Variants in KLF12 observed in about 807,000 individuals in gnomAD.
KLF12 encodes the protein KLF transcription factor 12.
In KLF12, 9 loss-of-function variants were observed where a neutral mutation model predicts 37.8. That is an observed-to-expected ratio of 0.24 (90% CI 0.14 to 0.42). KLF12 has a LOEUF of 0.42. Among genes scored for constraint, KLF12 ranks in the 10% least tolerant of loss-of-function variants. The probability of loss-of-function intolerance (pLI) is 1.00; values close to 1 mark genes in which losing one functional copy is unlikely to be tolerated. For synonymous variants in KLF12, 208 were observed against 202.1 expected, an observed-to-expected ratio of 1.03 and a Z score of -0.25; for missense variants, 411 against 516.0, an observed-to-expected ratio of 0.80 and a Z score of 1.97.
the KLF12 span, among the ~76,000 whole-genome samples, chr13:74,276,983 C>T: frequency 6.6e-6 from 1 of 152,192 alleles, no homozygotes; most frequent in Non-Finnish European, 1.5e-5. Context: ...CTGGACAATG[C>T]CCACGGCAGT....
At chr13:74,114,493 C>T (rs1268157854) in intron 1 of KLF12, among the ~76,000 whole-genome samples, 1 of 152,092 alleles carries the variant, frequency 6.6e-6, no homozygotes. Flanking sequence ...TACAGTATCT[C>T]TGAGGTATGC....
At chr13:73,991,714 C>T (rs1280945030) in intron 2 of KLF12, among the ~76,000 whole-genome samples, 1 of 152,184 alleles carries the variant, frequency 6.6e-6, no homozygotes, top group Non-Finnish European at 1.5e-5. Context: ...CAGGCAACTA[C>T]CCTACATACA....
chr13:74,038,657 C>A (rs1026163936), intron 1 of KLF12, among the ~76,000 whole-genome samples: 5 of 152,134 alleles, frequency 3.3e-5, no homozygotes, highest in South Asian at 2.1e-4. Flanking sequence ...ACCTAAGGTT[C>A]CCATCATTAA....
At chr13:74,035,855 T>C (rs1893232902) in intron 1 of KLF12, among the ~76,000 whole-genome samples, 1 of 152,242 alleles carries the variant, frequency 6.6e-6, no homozygotes. Context: ...TTCAAATCTC[T>C]ATAGGATTTT....
At chr13:74,220,547 T>C in the KLF12 span, among the ~76,000 whole-genome samples, 1 of 152,376 alleles carries the variant, frequency 6.6e-6, no homozygotes, top group Admixed American at 6.5e-5. Context: ...ACTTGAAATC[T>C]ACTCTTTTTA....
chr13:73,825,977 ATT>A (rs199514948), intron 4 of KLF12, among the ~76,000 whole-genome samples: 1 of 144,396 alleles, frequency 6.9e-6, no homozygotes, highest in Non-Finnish European at 1.5e-5. Context: ...ATCATTCAAC[ATT>A]TTTTTTTTTT....
At chr13:73,998,892 A>G (rs1191680643) in intron 1 of KLF12, among the ~76,000 whole-genome samples, 3 of 152,274 alleles carry the variant, frequency 2.0e-5, no homozygotes, top group Non-Finnish European at 4.4e-5. Context: ...CTAAAAATGA[A>G]AAGTAGCTAA....
Position 73,845,871 on chromosome 13 carries a change from G to C in KLF12, c.626C>G (p.Thr209Ser). ...ATCCTCCAAAAGCGGCACGACAATAGTGTTGTTCACATTTCCAGGTGACCT... is the reference window on the plus strand; with the variant it reads ...ATCCTCCAAAAGCGGCACGACAATACTGTTGTTCACATTTCCAGGTGACCT... Residue 209 changes from threonine to serine, a missense_variant, in exon 4 of 8, where the codon ACT (threonine) becomes AGT (serine). Around this residue, in one of 2 missense-constraint regions of KLF12, gnomAD observed 351 missense variants for 397.8 expected, o/e 0.88. Transcript: ENST00000377669. 6.2e-7 allele frequency: 1 copy of C among 1,614,172 alleles called. No individual in the cohort carries two copies. Among genetic ancestry groups the C allele is most frequent in the South Asian group, 1.1e-5 (1 of 91,088 alleles).
chr13:74,149,535 T>C, the KLF12 span, among the ~76,000 whole-genome samples: 2 of 152,150 alleles, frequency 1.3e-5, no homozygotes, highest in African/African-American at 2.4e-5. Flanking sequence ...CATGACCACT[T>C]CCATTGTTAC....
intron 5 of KLF12, among the ~76,000 whole-genome samples, chr13:73,782,292 T>G (rs1181794709): frequency 6.6e-6 from 1 of 152,220 alleles, no homozygotes; most frequent in Non-Finnish European, 1.5e-5. Flanking sequence ...GATGATCTTG[T>G]CCTTACTTAC....
At chr13:73,935,890 G>A (rs562199558) in intron 3 of KLF12, among the ~76,000 whole-genome samples, 95 of 152,252 alleles carry the variant, frequency 6.2e-4, no homozygotes, top group Non-Finnish European at 1.0e-3. Flanking sequence ...GGGATCACAG[G>A]CGTGAGCACT....
intron 5 of KLF12, among the ~76,000 whole-genome samples, chr13:73,794,618 T>C (rs1881863633): frequency 1.3e-5 from 2 of 152,188 alleles, no homozygotes; most frequent in South Asian, 4.1e-4. Context: ...TCTGACAATA[T>C]TCAATATATT....
upstream of KLF12, among the ~76,000 whole-genome samples, chr13:74,135,681 G>A (rs985566196): frequency 1.3e-5 from 2 of 152,036 alleles, no homozygotes; most frequent in African/African-American, 4.8e-5. Flanking sequence ...CTCCGGGCAC[G>A]ACAGTATTCC....
chr13:74,185,839 T>C, the KLF12 span, among the ~76,000 whole-genome samples: 1 of 152,108 alleles, frequency 6.6e-6, no homozygotes, highest in South Asian at 2.1e-4. Flanking sequence ...AGACGGGGTT[T>C]CACCATGTTG....
Position 73,968,249 on chromosome 13 carries a change from T to C in KLF12, c.34-24179A>G, listed in dbSNP as rs918017580. Among the ~76,000 whole-genome samples, 7 of 152,304 alleles carry C rather than the reference T, an allele frequency of 4.6e-5. No homozygotes were observed. In the East Asian group the frequency reaches 9.6e-4, roughly 21 times the overall value. Reference sequence around the variant, plus strand: ...AATGAGAAAAATAAGTCAGCTAAATTTGCATAGGAAGTAACATAAAATAGA... The same window carrying C: ...AATGAGAAAAATAAGTCAGCTAAATCTGCATAGGAAGTAACATAAAATAGA... On this transcript the variant is annotated intron_variant, in intron 2 of 7. Transcript: ENST00000377669.
chr13:73,913,556 T>C (rs1282849985), intron 3 of KLF12, among the ~76,000 whole-genome samples: 1 of 152,210 alleles, frequency 6.6e-6, no homozygotes, highest in Non-Finnish European at 1.5e-5. Flanking sequence ...AAGAGACTCC[T>C]CAGTCCTCTG....
At position 73,723,072 on chromosome 13, in the gene KLF12, G is replaced by A. The variant is rs1157904093; in HGVS notation, c.870-7547C>T. Among the ~76,000 whole-genome samples the A allele has an allele frequency of 2.0e-5, 3 of 152,112 alleles. No individual in the cohort carries two copies. In the South Asian group the frequency reaches 6.2e-4, roughly 32 times the overall value. On this transcript the variant is annotated intron_variant, in intron 6 of 7. Transcript: ENST00000377669. ...CATATTTCAGCAAGCAAGATCATAA[G>A]CTGTATTAGGCAAAATGTTTAAAGA...
chr13:74,000,480 GACTTAAAAT>G (rs1892248712), intron 1 of KLF12, among the ~76,000 whole-genome samples: 1 of 152,074 alleles, frequency 6.6e-6, no homozygotes, highest in Admixed American at 6.6e-5. Context: ...TGCATAAGTC[GACTTAAAAT>G]ACTTCATTTA....
At chr13:74,106,419 C>T (rs996390374) in intron 1 of KLF12, among the ~76,000 whole-genome samples, 8 of 152,088 alleles carry the variant, frequency 5.3e-5, no homozygotes, top group Admixed American at 1.3e-4. Flanking sequence ...ATAGTTTCTA[C>T]CATAATAAAA....
Sources: gnomAD v4.1 joint callset for allele counts (sites outside exome capture counted in the v4.1 genomes callset) on GRCh38, gnomAD v4.1.1 for gene constraint, gnomAD v4.1.1 regional missense constraint, MANE v1.5 for transcripts, NCBI Gene and HGNC (gene_info 2026-07-23, HGNC 2026-07-21) for gene names.